The following CHIC2 variants were observed in gnomAD, a reference collection of about 807,000 sequenced individuals.
CHIC2 encodes cysteine-rich hydrophobic domain-containing protein 2.
Under a neutral mutation model 25.9 loss-of-function variants are expected in CHIC2, and 14 were observed. The ratio of observed to expected loss-of-function variants is 0.54; its 90% CI spans 0.36 to 0.85. CHIC2 has a LOEUF of 0.85. Among genes scored for constraint, CHIC2 ranks in the 40% least tolerant of loss-of-function variants. CHIC2 has a pLI of 0.01. For missense variants in CHIC2, 146 were observed against 202.0 expected (o/e 0.72, Z 1.68); for synonymous variants, 70 against 72.0 (o/e 0.97, Z 0.14).
rs59288511 is a variant in CHIC2, at chr4:54,062,329, T to TTTTATTTATTTA, written c.119+1841_119+1852dup. ...CTACACATTAGAATCACCTGTGAGA[T>TTTTATTTATTTA]TTTATTTATTTATTTATTTATTTAT... is the stretch of plus-strand genomic sequence containing the variant. On this transcript the variant is annotated intron_variant, in intron 1 of 5. Transcript: ENST00000263921. Among the ~76,000 whole-genome samples, 1,488 of 151,446 alleles carry TTTTATTTATTTA rather than the reference T, an allele frequency of 9.8e-3. 25 individuals are homozygous for TTTTATTTATTTA. Among genetic ancestry groups the TTTTATTTATTTA allele is most frequent in the African/African-American group, 0.035 (1,415 of 41,014 alleles).
At chr4:54,079,062 T>C in the CHIC2 span, among the ~76,000 whole-genome samples, 14 of 151,418 alleles carry the variant, frequency 9.2e-5, no homozygotes, top group African/African-American at 3.4e-4. Flanking sequence ...ACTAAAAATA[T>C]AAAAATTAGG....
chr4:54,050,644 T>C (rs540538099), intron 1 of CHIC2, among the ~76,000 whole-genome samples: 2 of 152,234 alleles, frequency 1.3e-5, no homozygotes, highest in African/African-American at 4.8e-5. Context: ...TTTCTATGTT[T>C]AGATACACAA....
intron 5 of CHIC2, among the ~76,000 whole-genome samples, chr4:54,012,825 A>G (rs1715634258): frequency 6.6e-6 from 1 of 152,158 alleles, no homozygotes; most frequent in South Asian, 2.1e-4. Flanking sequence ...CATTTTAAAA[A>G]TATTTTTTAT....
At chr4:54,050,444 A>C (rs1022823805) in intron 1 of CHIC2, among the ~76,000 whole-genome samples, 11 of 152,094 alleles carry the variant, frequency 7.2e-5, no homozygotes, top group African/African-American at 2.7e-4. Context: ...ATTCAAGTTT[A>C]TCTTTCCTGA....
intron 1 of CHIC2, among the ~76,000 whole-genome samples, chr4:54,054,929 G>A (rs1027273684): frequency 6.6e-6 from 1 of 152,128 alleles, no homozygotes; most frequent in Non-Finnish European, 1.5e-5. Flanking sequence ...GAGATCACCA[G>A]ACAAGTAATG....
rs546781745 is a variant in CHIC2, at chr4:54,037,864, T to C, written c.330+11091A>G. Among the ~76,000 whole-genome samples, 8 of 152,026 alleles carry C rather than the reference T, an allele frequency of 5.3e-5. No individual in the cohort carries two copies. In the South Asian group the frequency reaches 1.7e-3, roughly 32 times the overall value. On this transcript the variant is annotated intron_variant, in intron 3 of 5. Coordinates refer to ENST00000263921, the MANE Select transcript of CHIC2 (RefSeq NM_012110.4). ...GAACCAAAAGAAAACAAAAATACTA[T>C]ATAAAAATGTGTAGGATATAGTCAA...
At chr4:54,055,445 C>T (rs1331673286) in intron 1 of CHIC2, among the ~76,000 whole-genome samples, 1 of 152,132 alleles carries the variant, frequency 6.6e-6, no homozygotes, top group East Asian at 1.9e-4. Flanking sequence ...TTGATCTAAA[C>T]AAACAGGGTC....
Position 54,049,290 on chromosome 4 carries a change from G to A in CHIC2, c.135C>T (p.Asn45=). The change falls in exon 2 of 6, where the codon AAC becomes AAT. Residue 45 remains asparagine (N), a synonymous_variant. Transcript: ENST00000263921. ...SGHVTVFGLS[N]KFESEFPSSL... is the part of the protein sequence containing the mutation. Reference sequence around the variant, plus strand: ...AAGAAGGGAATTCAGATTCAAATTTGTTGCTCAGTCCAAATCTATTTTAAA... The same window carrying A: ...AAGAAGGGAATTCAGATTCAAATTTATTGCTCAGTCCAAATCTATTTTAAA... The A allele has an allele frequency of 6.2e-7, 1 of 1,600,520 alleles. No homozygotes were observed. Among genetic ancestry groups the A allele is most frequent in the Non-Finnish European group, 8.5e-7 (1 of 1,170,380 alleles).
chr4:54,077,331 G>A, the CHIC2 span, among the ~76,000 whole-genome samples: 10 of 152,076 alleles, frequency 6.6e-5, no homozygotes, highest in African/African-American at 1.9e-4. Flanking sequence ...TCTCAGCACC[G>A]TCAAAGCCTT....
chr4:54,024,187 C>G (rs976682289), intron 3 of CHIC2, among the ~76,000 whole-genome samples: 1 of 152,202 alleles, frequency 6.6e-6, no homozygotes, highest in African/African-American at 2.4e-5. Context: ...ATATCTCCTT[C>G]CAGCCTCACA....
chr4:54,057,508 G>A (rs1717213006), intron 1 of CHIC2, among the ~76,000 whole-genome samples: 1 of 152,094 alleles, frequency 6.6e-6, no homozygotes, highest in East Asian at 1.9e-4. Context: ...CTAAATGTTA[G>A]CTTCCTCAGA....
the CHIC2 span, among the ~76,000 whole-genome samples, chr4:54,075,803 C>T: frequency 1.3e-5 from 2 of 152,164 alleles, no homozygotes; most frequent in Non-Finnish European, 2.9e-5. Context: ...CCGCCTCGGC[C>T]TCCCAAAATG....
intron 5 of CHIC2, 54 bp downstream of exon 5, chr4:54,013,783 G>T: frequency 6.5e-7 from 1 of 1,543,922 alleles, no homozygotes; most frequent in South Asian, 1.1e-5. Flanking sequence ...AAGATCAGAA[G>T]CAAAATAAAT....
intron 3 of CHIC2, among the ~76,000 whole-genome samples, chr4:54,022,976 A>G (rs190751156): frequency 5.3e-5 from 8 of 152,142 alleles, no homozygotes; most frequent in Admixed American, 3.9e-4. Context: ...TTGCCTAGCC[A>G]CCCTGTGGTG....
chr4:54,035,217 T>C (rs1378717334), intron 3 of CHIC2, among the ~76,000 whole-genome samples: 3 of 152,204 alleles, frequency 2.0e-5, no homozygotes, highest in Admixed American at 1.3e-4. Context: ...AGAATATCTC[T>C]GTCTGGTTTT....
intron 1 of CHIC2, among the ~76,000 whole-genome samples, chr4:54,052,253 T>A (rs1221740928): frequency 6.6e-6 from 1 of 152,150 alleles, no homozygotes; most frequent in Non-Finnish European, 1.5e-5. Flanking sequence ...CTGTAAAATA[T>A]CACCTCTAAT....
intron 3 of CHIC2, among the ~76,000 whole-genome samples, chr4:54,033,495 C>A (rs552105496): frequency 9.9e-5 from 15 of 152,050 alleles, no homozygotes; most frequent in Non-Finnish European, 2.2e-4. Flanking sequence ...TTAAATCCTC[C>A]AATAGTTTTC....
intron 3 of CHIC2, among the ~76,000 whole-genome samples, chr4:54,024,836 T>G (rs1716010090): frequency 6.6e-6 from 1 of 152,160 alleles, no homozygotes; most frequent in Non-Finnish European, 1.5e-5. Flanking sequence ...TCTGTTTAGT[T>G]TCTCAATTCA....
intron 3 of CHIC2, among the ~76,000 whole-genome samples, chr4:54,015,989 G>A (rs530626446): frequency 5.3e-5 from 8 of 152,286 alleles, no homozygotes; most frequent in Admixed American, 1.3e-4. Context: ...CTGCCCACCC[G>A]CTGCTAAACC....
Sources: gnomAD v4.1 joint callset for allele counts (sites outside exome capture counted in the v4.1 genomes callset) on GRCh38, gnomAD v4.1.1 for gene constraint, MANE v1.5 for transcripts, NCBI Gene and HGNC (gene_info 2026-07-23, HGNC 2026-07-21) for gene names.